ELMO1: variants seen among roughly 807,000 people sequenced by gnomAD.
The protein encoded by ELMO1 is engulfment and cell motility protein 1.
Under a neutral mutation model 98.9 loss-of-function variants are expected in ELMO1, and 26 were observed. The observed-to-expected ratio is 0.26, with a 90% confidence interval of 0.19 to 0.36. ELMO1 has a LOEUF of 0.36. Among genes scored for constraint, ELMO1 ranks in the 10% least tolerant of loss-of-function variants. The pLI is 1.00. For synonymous variants in ELMO1, 346 were observed against 346.0 expected (o/e 1.00, Z 0.00); for missense variants, 627 against 935.2 (o/e 0.67, Z 4.30).
At chr7:37,244,511 T>C in intron 6 of ELMO1, 120 bp from the exon 7 acceptor site, 1 of 962,086 alleles carries the variant, frequency 1.0e-6, no homozygotes, top group Non-Finnish European at 1.6e-6. Flanking sequence ...TGCCATGAAG[T>C]AAAAGAATTT....
intron 1 of ELMO1, among the ~76,000 whole-genome samples, chr7:37,394,919 C>A (rs977312972): frequency 6.6e-6 from 1 of 152,120 alleles, no homozygotes; most frequent in African/African-American, 2.4e-5. Flanking sequence ...GTTTCAAGGT[C>A]AAAGTTTGCA....
chr7:37,445,394 T>G (rs1170650546), intron 1 of ELMO1, among the ~76,000 whole-genome samples: 1 of 152,206 alleles, frequency 6.6e-6, no homozygotes, highest in Non-Finnish European at 1.5e-5. Flanking sequence ...TTACAAACCT[T>G]AATTGTATCC....
intron 2 of ELMO1, among the ~76,000 whole-genome samples, chr7:37,328,155 C>T (rs1377975539): frequency 1.3e-5 from 2 of 151,950 alleles, no homozygotes. Context: ...GGCCTAGGTG[C>T]GCAGATCACT....
Position 37,340,995 on chromosome 7 carries a change from G to A in ELMO1, c.78+1618C>T, listed in dbSNP as rs75046868. The stretch of plus-strand genomic sequence containing the variant: ...GCCTGGGTAATTCTGATTAGTACTC[G>A]GGCTTGGGCACCAGGTATCCAGCTC... On this transcript the variant is annotated intron_variant, in intron 2 of 21. Coordinates refer to ENST00000310758, the MANE Select transcript of ELMO1 (RefSeq NM_014800.11). Among the ~76,000 whole-genome samples the A allele has an allele frequency of 1.6e-3, 246 of 152,244 alleles. 2 individuals are homozygous for A. The highest frequency in any genetic ancestry group is 5.7e-3 in the African/African-American group (235 of 41,532).
chr7:37,308,637 C>T (rs1798736385), intron 4 of ELMO1, among the ~76,000 whole-genome samples: 1 of 152,194 alleles, frequency 6.6e-6, no homozygotes, highest in South Asian at 2.1e-4. Context: ...TTAGAGATAT[C>T]CCCAGGGTTT....
intron 2 of ELMO1, among the ~76,000 whole-genome samples, chr7:37,338,182 A>G (rs1583580800): frequency 6.6e-6 from 1 of 152,308 alleles, no homozygotes; most frequent in East Asian, 1.9e-4. Context: ...GATTTCTTTA[A>G]TCTTCACAAG....
chr7:37,060,658 T>TA (rs34906945), intron 15 of ELMO1, among the ~76,000 whole-genome samples: 38,685 of 151,958 alleles, frequency 0.25, 6,233 homozygotes, highest in African/African-American at 0.46. Context: ...CAAAAATAAA[T>TA]AAATAAAAAA....
chr7:37,341,982 A>G (rs529616383), intron 2 of ELMO1, among the ~76,000 whole-genome samples: 17 of 152,348 alleles, frequency 1.1e-4, no homozygotes, highest in African/African-American at 3.8e-4. Context: ...TCAAGATTCA[A>G]GTTAAAGGAT....
chr7:37,089,793 A>G (rs1783973411), intron 15 of ELMO1, among the ~76,000 whole-genome samples: 1 of 152,198 alleles, frequency 6.6e-6, no homozygotes. Context: ...AAGGGTTTCA[A>G]GTAATTATTT....
intron 13 of ELMO1, among the ~76,000 whole-genome samples, chr7:37,139,728 T>C (rs1207376592): frequency 6.6e-6 from 1 of 151,964 alleles, no homozygotes; most frequent in Non-Finnish European, 1.5e-5. Flanking sequence ...CTAAAATTCA[T>C]ATGGAACCAA....
At chr7:37,426,130 CTTTT>C (rs1449959643) in intron 1 of ELMO1, among the ~76,000 whole-genome samples, 1 of 134,012 alleles carries the variant, frequency 7.5e-6, no homozygotes, top group African/African-American at 2.7e-5. Context: ...CTCTCTCCCT[CTTTT>C]TTTCTTTCTT....
At chr7:37,368,976 A>G (rs955918036) in intron 1 of ELMO1, among the ~76,000 whole-genome samples, 1 of 152,204 alleles carries the variant, frequency 6.6e-6, no homozygotes, top group African/African-American at 2.4e-5. Flanking sequence ...AACCTTCAGG[A>G]GATGAAGGGA....
chr7:37,274,559 T>A (rs866136652), intron 4 of ELMO1, among the ~76,000 whole-genome samples: 32 of 150,226 alleles, frequency 2.1e-4, no homozygotes, highest in African/African-American at 7.6e-4. Context: ...TTAGAAACAA[T>A]TTTTTTTTTC....
intron 1 of ELMO1, among the ~76,000 whole-genome samples, chr7:37,448,092 C>T (rs1021668790): frequency 1.3e-5 from 2 of 152,070 alleles, no homozygotes; most frequent in African/African-American, 4.8e-5. Context: ...CCGCCCTCTC[C>T]GGCCCTCCTG....
intron 1 of ELMO1, among the ~76,000 whole-genome samples, chr7:37,372,561 G>C (rs950536632): frequency 1.3e-5 from 2 of 152,038 alleles, no homozygotes; most frequent in Non-Finnish European, 2.9e-5. Context: ...CCTAACTTAC[G>C]TATCTCATTT....
chr7:36,982,959 C>T (rs1299322273), intron 16 of ELMO1, among the ~76,000 whole-genome samples: 1 of 152,224 alleles, frequency 6.6e-6, no homozygotes, highest in Non-Finnish European at 1.5e-5. Context: ...CTGGGCCCGC[C>T]TCCCCTGCTC....
intron 1 of ELMO1, among the ~76,000 whole-genome samples, chr7:37,413,167 C>T (rs1804065590): frequency 6.6e-6 from 1 of 151,462 alleles, no homozygotes; most frequent in African/African-American, 2.4e-5. Flanking sequence ...TGCTTCACAA[C>T]ATTTAGGCTC....
intron 13 of ELMO1, among the ~76,000 whole-genome samples, chr7:37,141,194 A>G (rs1787615492): frequency 6.6e-6 from 1 of 152,262 alleles, no homozygotes; most frequent in Admixed American, 6.5e-5. Context: ...ACCATGGAAT[A>G]TGACTCAGCC....
At chr7:36,951,920 A>C (rs1047049912) in intron 16 of ELMO1, among the ~76,000 whole-genome samples, 4 of 152,186 alleles carry the variant, frequency 2.6e-5, no homozygotes, top group African/African-American at 9.7e-5. Flanking sequence ...ATGTTTACTG[A>C]AGAATGATTA....
Sources: gnomAD v4.1 joint callset for allele counts (sites outside exome capture counted in the v4.1 genomes callset) on GRCh38, gnomAD v4.1.1 for gene constraint, MANE v1.5 for transcripts, NCBI Gene and HGNC (gene_info 2026-07-23, HGNC 2026-07-21) for gene names.